The following VWA3B variants were observed in gnomAD, a reference collection of about 807,000 sequenced individuals.
VWA3B encodes von Willebrand factor A domain containing 3B.
VWA3B carries 138 observed loss-of-function variants against 158.3 expected under a neutral mutation model. The observed-to-expected ratio is 0.87, with a 90% CI of 0.76 to 1.00. VWA3B has a LOEUF of 1.00. Among genes scored for constraint, VWA3B ranks in the 50% least tolerant of loss-of-function variants. The pLI is 0.00. For missense variants in VWA3B, 1,555 were observed against 1,565.1 expected, an observed-to-expected ratio of 0.99 and a Z score of 0.11; for synonymous variants, 596 against 587.3, an observed-to-expected ratio of 1.01 and a Z score of -0.21.
intron 22 of VWA3B, among the ~76,000 whole-genome samples, chr2:98,282,188 G>C (rs1398845798): frequency 6.6e-6 from 1 of 152,150 alleles, no homozygotes; most frequent in Non-Finnish European, 1.5e-5. Context: ...CTGCCCTGGG[G>C]AGATGTCTTT....
At chr2:98,150,241 T>A (rs758572127) in intron 7 of VWA3B, among the ~76,000 whole-genome samples, 63 of 152,362 alleles carry the variant, frequency 4.1e-4, no homozygotes, top group Non-Finnish European at 5.3e-4. Flanking sequence ...ATAGGTACAT[T>A]AATTCCTTGG....
At chr2:98,183,175 T>C (rs1680732917) in intron 9 of VWA3B, among the ~76,000 whole-genome samples, 1 of 150,160 alleles carries the variant, frequency 6.7e-6, no homozygotes, top group Admixed American at 6.6e-5. Flanking sequence ...ATTATTAATA[T>C]ATAGTACAGC....
intron 26 of VWA3B, among the ~76,000 whole-genome samples, chr2:98,306,946 T>G (rs146662722): frequency 4.6e-5 from 7 of 152,298 alleles, no homozygotes; most frequent in Non-Finnish European, 1.0e-4. Flanking sequence ...CCTACTAAGT[T>G]CAGAGCTTAA....
At chr2:98,316,091 C>T (rs1241678690), downstream of VWA3B, among the ~76,000 whole-genome samples, 1 of 152,182 alleles carries the variant, frequency 6.6e-6, no homozygotes, top group African/African-American at 2.4e-5. Flanking sequence ...ATATTTTCAT[C>T]AACTAATCAA....
chr2:98,087,656 A>G (rs1053097643), intron 1 of VWA3B, among the ~76,000 whole-genome samples: 11 of 152,142 alleles, frequency 7.2e-5, no homozygotes, highest in Non-Finnish European at 1.3e-4. Context: ...CGGTTTTCCT[A>G]GTTTCTGTCT....
Position 98,212,004 on chromosome 2 carries a change from TCTGACCGATGGGAGAC to T in VWA3B, c.1817_1832del (p.Thr606IlefsTer8), listed in dbSNP as rs1683564881. The stretch of plus-strand genomic sequence containing the variant: ...ATAAAGAAACACAGGCAATCTACCT[TCTGACCGATGGGAGAC>T]CTGATCAGGTACTTACCAGAGCTGG... On this transcript the variant is annotated frameshift_variant, in exon 13 of 28. Transcript: ENST00000477737. LOFTEE classifies it high-confidence loss of function. 6.2e-7 allele frequency: 1 copy of T among 1,614,140 alleles called. No individual in the cohort carries two copies.
chr2:98,224,589 G>GA (rs942240872), intron 14 of VWA3B, among the ~76,000 whole-genome samples: 5 of 149,494 alleles, frequency 3.3e-5, no homozygotes, highest in African/African-American at 7.3e-5. Flanking sequence ...AGAATTGTAA[G>GA]AAAAAAAAAG....
chr2:98,143,752 CTTTTTT>C (rs534351736), intron 7 of VWA3B, among the ~76,000 whole-genome samples: 1 of 130,952 alleles, frequency 7.6e-6, no homozygotes, highest in African/African-American at 2.8e-5. Context: ...CTTTTCTTTT[CTTTTTT>C]TTTTTTTTTT....
At chr2:98,211,313 G>T (rs1401164882) in intron 12 of VWA3B, among the ~76,000 whole-genome samples, 1 of 152,120 alleles carries the variant, frequency 6.6e-6, no homozygotes, top group Non-Finnish European at 1.5e-5. Flanking sequence ...ATGGTCCCTT[G>T]GTAAGGATCA....
chr2:98,186,158 ATTTTTT>A (rs377014875), intron 9 of VWA3B, among the ~76,000 whole-genome samples: 2 of 128,372 alleles, frequency 1.6e-5, no homozygotes, highest in East Asian at 2.2e-4. Flanking sequence ...ACTTCCTTGA[ATTTTTT>A]TTTTTTTTTT....
intron 2 of VWA3B, among the ~76,000 whole-genome samples, chr2:98,104,453 T>C (rs1298856895): frequency 2.0e-5 from 3 of 152,082 alleles, no homozygotes; most frequent in Non-Finnish European, 4.4e-5. Flanking sequence ...CAACAACCAG[T>C]CCTCATGAGA....
intron 1 of VWA3B, among the ~76,000 whole-genome samples, chr2:98,088,070 G>A (rs555108934): frequency 6.6e-6 from 1 of 152,186 alleles, no homozygotes; most frequent in South Asian, 2.1e-4. Context: ...GTCCCTTAAG[G>A]GCAGAAAAAA....
At chr2:98,105,728 T>G (rs769751269) in intron 2 of VWA3B, among the ~76,000 whole-genome samples, 5 of 151,952 alleles carry the variant, frequency 3.3e-5, no homozygotes, top group Non-Finnish European at 7.4e-5. Context: ...ACTCTATCTC[T>G]TAAAAAACAC....
At chr2:98,198,136 G>C (rs756319313) in intron 12 of VWA3B, among the ~76,000 whole-genome samples, 4 of 151,854 alleles carry the variant, frequency 2.6e-5, no homozygotes, top group Non-Finnish European at 2.9e-5. Context: ...AACAAATCAT[G>C]CGTTCATACT....
At chr2:98,170,967 A>G (rs894072222) in intron 8 of VWA3B, among the ~76,000 whole-genome samples, 1 of 152,174 alleles carries the variant, frequency 6.6e-6, no homozygotes, top group African/African-American at 2.4e-5. Context: ...GACACTTATT[A>G]TCTGTGCTTC....
At chr2:98,300,568 C>A (rs1690115708) in intron 25 of VWA3B, among the ~76,000 whole-genome samples, 1 of 152,184 alleles carries the variant, frequency 6.6e-6, no homozygotes, top group Admixed American at 6.5e-5. Context: ...CCTCCTCAGA[C>A]TGCCCCTGCT....
intron 26 of VWA3B, among the ~76,000 whole-genome samples, chr2:98,304,323 G>C (rs1321562156): frequency 6.6e-6 from 1 of 152,156 alleles, no homozygotes; most frequent in Non-Finnish European, 1.5e-5. Flanking sequence ...GAGGCCTGCA[G>C]AGCAAACACG....
At chr2:98,159,983 C>T (rs998753514) in intron 7 of VWA3B, among the ~76,000 whole-genome samples, 1 of 150,308 alleles carries the variant, frequency 6.7e-6, no homozygotes, top group Non-Finnish European at 1.5e-5. Context: ...GCACTCCAGC[C>T]TGGGCGACAG....
Position 98,312,230 on chromosome 2 carries a change from C to T in VWA3B, c.3766C>T (p.Arg1256Cys). Residue 1256 changes from arginine to cysteine, a missense_variant, in exon 28 of 28, where the codon CGT becomes TGT. Arg to Cys is a radical substitution (Grantham distance 180). Coordinates refer to ENST00000477737, the MANE Select transcript of VWA3B (RefSeq NM_144992.5). ...CCACCTCCACTTCCCCGCGGCCGGG[C>T]GTCTAGGACTCAGCAGCCACGCCAT... ...TAHLHFPAAG[R>C]LGLSSHAIIA... 6.2e-7 allele frequency: 1 copy of T among 1,614,164 alleles called. No homozygotes were observed. Among genetic ancestry groups the T allele is most frequent in the Non-Finnish European group, 8.5e-7 (1 of 1,180,032 alleles).
Sources: allele counts gnomAD v4.1 joint callset (sites outside exome capture counted in the v4.1 genomes callset), GRCh38; gene constraint gnomAD v4.1.1; transcripts MANE v1.5; gene names NCBI Gene and HGNC (gene_info 2026-07-23, HGNC 2026-07-21).